PRKAR2B: variants seen among roughly 807,000 people sequenced by gnomAD.
The protein encoded by PRKAR2B is protein kinase cAMP-dependent type II regulatory subunit beta, also known as cAMP-dependent protein kinase type II-beta regulatory subunit.
In PRKAR2B, 14 loss-of-function variants were observed where a neutral mutation model predicts 49.9. The ratio of observed to expected loss-of-function variants is 0.28; its 90% CI spans 0.19 to 0.44. The LOEUF is 0.44. PRKAR2B is among the 20% of genes least tolerant of loss of function. PRKAR2B has a pLI of 1.00. For missense variants in PRKAR2B, 393 were observed against 537.9 expected, an observed-to-expected ratio of 0.73 and a Z score of 2.67; for synonymous variants, 196 against 197.7, an observed-to-expected ratio of 0.99 and a Z score of 0.07.
At chr7:107,110,682 T>C (rs1322402634) in intron 2 of PRKAR2B, among the ~76,000 whole-genome samples, 1 of 151,988 alleles carries the variant, frequency 6.6e-6, no homozygotes, top group Non-Finnish European at 1.5e-5. Flanking sequence ...GGGAACCTAC[T>C]GCCTTGAAGG....
chr7:107,072,664 T>C (rs979671190), intron 2 of PRKAR2B, among the ~76,000 whole-genome samples: 1 of 152,168 alleles, frequency 6.6e-6, no homozygotes, highest in African/African-American at 2.4e-5. Context: ...TTTGTTAATT[T>C]AATTTAGTGC....
chr7:107,116,941 A>ATG (rs141264067), intron 2 of PRKAR2B, among the ~76,000 whole-genome samples: 31 of 146,196 alleles, frequency 2.1e-4, no homozygotes, highest in African/African-American at 4.9e-4. Context: ...GTGTATATAT[A>ATG]TGTGTGTGTG....
intron 2 of PRKAR2B, among the ~76,000 whole-genome samples, chr7:107,080,684 T>G (rs1193970723): frequency 1.3e-5 from 2 of 152,228 alleles, no homozygotes; most frequent in African/African-American, 4.8e-5. Flanking sequence ...AACTAAACTT[T>G]CCTTAAGGCT....
intron 4 of PRKAR2B, among the ~76,000 whole-genome samples, chr7:107,138,449 T>C (rs1179255878): frequency 6.6e-6 from 1 of 152,276 alleles, no homozygotes; most frequent in Non-Finnish European, 1.5e-5. Flanking sequence ...AGTCTCATTC[T>C]GTTGCCCAGG....
At chr7:107,073,034 G>A (rs1030841049) in intron 2 of PRKAR2B, among the ~76,000 whole-genome samples, 5 of 152,094 alleles carry the variant, frequency 3.3e-5, no homozygotes, top group African/African-American at 1.2e-4. Context: ...AGTGCTATGT[G>A]TTCTATCATT....
At chr7:107,082,270 T>C (rs1243869339) in intron 2 of PRKAR2B, among the ~76,000 whole-genome samples, 1 of 152,222 alleles carries the variant, frequency 6.6e-6, no homozygotes, top group African/African-American at 2.4e-5. Flanking sequence ...TTCTGTACCA[T>C]AAAAATAATG....
chr7:107,108,721 A>G lies in PRKAR2B; in HGVS notation c.344-13231A>G, dbSNP rs79390525. On this transcript the variant is annotated intron_variant, in intron 2 of 10. Transcript: ENST00000265717. Reference sequence around the variant, plus strand: ...GGCTCCTGTACAGCTCTACAGCCTTATAGAGTTAGAGCTCCATAGTGTTAT... The same window carrying G: ...GGCTCCTGTACAGCTCTACAGCCTTGTAGAGTTAGAGCTCCATAGTGTTAT... Among the ~76,000 whole-genome samples, 9 of 152,332 alleles carry G rather than the reference A, an allele frequency of 5.9e-5. No individual in the cohort carries two copies. The East Asian group carries it at 1.5e-3, about 26-fold the overall frequency.
At chr7:107,095,817 G>A (rs551040346) in intron 2 of PRKAR2B, among the ~76,000 whole-genome samples, 44 of 152,242 alleles carry the variant, frequency 2.9e-4, no homozygotes, top group South Asian at 8.3e-4. Flanking sequence ...ATTGATTTGC[G>A]TATGTTGAAC....
chr7:107,067,787 A>G (rs976275445), intron 1 of PRKAR2B, among the ~76,000 whole-genome samples: 4 of 152,250 alleles, frequency 2.6e-5, no homozygotes, highest in Non-Finnish European at 5.9e-5. Context: ...ATCTATTAGT[A>G]AAATTCCAAA....
At position 107,159,910 on chromosome 7, in the gene PRKAR2B, T is replaced by A; in HGVS notation, c.*328T>A. 5.0e-6 allele frequency: 1 copy of A among 200,882 alleles called. No homozygotes were observed. The highest frequency in any genetic ancestry group is 1.0e-5 in the Non-Finnish European group (1 of 98,866). 12.4% of individuals were successfully genotyped at this position (200,882 alleles called of 1,614,324 possible). A position where few individuals can be genotyped will look rare whatever the true frequency, so the allele number is the denominator to read the frequency against. On this transcript the variant is annotated 3_prime_UTR_variant, in exon 11 of 11. Transcript: ENST00000265717. ...ATAATTAAAGGATGTTATCATAGGC[T>A]ATATGTGTTTTACTTATTCAGACTG...
At chr7:107,078,563 G>T (rs553798521) in intron 2 of PRKAR2B, among the ~76,000 whole-genome samples, 1 of 152,112 alleles carries the variant, frequency 6.6e-6, no homozygotes, top group South Asian at 2.1e-4. Context: ...TAATAAAATG[G>T]GTTCTTCCCT....
chr7:107,046,482 TC>T (rs1425475936), intron 1 of PRKAR2B, among the ~76,000 whole-genome samples: 1 of 152,228 alleles, frequency 6.6e-6, no homozygotes, highest in Admixed American at 6.5e-5. Context: ...TCCAAAAGAA[TC>T]CCAGAAACCC....
At chr7:107,091,087 T>G (rs1482595784) in intron 2 of PRKAR2B, among the ~76,000 whole-genome samples, 1 of 152,206 alleles carries the variant, frequency 6.6e-6, no homozygotes, top group Non-Finnish European at 1.5e-5. Context: ...GTTCCCTCAT[T>G]ATGCAAAATT....
At chr7:107,119,830 A>G (rs1795355676) in intron 2 of PRKAR2B, among the ~76,000 whole-genome samples, 1 of 152,180 alleles carries the variant, frequency 6.6e-6, no homozygotes, top group South Asian at 2.1e-4. Flanking sequence ...ATCTGGTTTC[A>G]TATGTCAGTG....
At chr7:107,091,184 A>C (rs1000493200) in intron 2 of PRKAR2B, among the ~76,000 whole-genome samples, 3 of 152,186 alleles carry the variant, frequency 2.0e-5, no homozygotes, top group African/African-American at 7.2e-5. Flanking sequence ...TTGGTGCAAA[A>C]AGGATCGTTT....
At position 107,143,610 on chromosome 7, in the gene PRKAR2B, A is replaced by G. The variant is rs567991657; in HGVS notation, c.587+2657A>G. Among the ~76,000 whole-genome samples the G allele has an allele frequency of 9.2e-5, 14 of 152,344 alleles. No individual in the cohort carries two copies. In the South Asian group the frequency reaches 2.7e-3, roughly 29 times the overall value. On this transcript the variant is annotated intron_variant, in intron 5 of 10. Transcript: ENST00000265717. ...AGTACTTATGTGTGAATACAAGTAA[A>G]AAATGATGGCTTATTGGTAGCATAT...
In PRKAR2B at chr7:107,106,312, C is replaced by T. The variant is rs10234033; in HGVS notation, c.344-15640C>T. On this transcript the variant is annotated intron_variant, in intron 2 of 10. Coordinates refer to ENST00000265717, the MANE Select transcript of PRKAR2B (RefSeq NM_002736.3). ...TGAAGGTCTGGATCTGGAACTGCAT[C>T]GCACCCCACAAGAAAAATGGCTCGG... Among the ~76,000 whole-genome samples the T allele has an allele frequency of 5.3e-3, 810 of 152,290 alleles. 6 individuals are homozygous for T. The highest frequency in any genetic ancestry group is 0.018 in the African/African-American group (756 of 41,568).
chr7:107,134,719 T>G (rs74382914), intron 4 of PRKAR2B, among the ~76,000 whole-genome samples: 18,361 of 152,160 alleles, frequency 0.12, 1,315 homozygotes, highest in African/African-American at 0.19. Flanking sequence ...CCCACAAGAG[T>G]GTTAAGACCA....
chr7:107,124,733 C>T (rs573033794), intron 3 of PRKAR2B, among the ~76,000 whole-genome samples: 26 of 152,040 alleles, frequency 1.7e-4, no homozygotes, highest in African/African-American at 6.3e-4. Context: ...ATACAGTGTT[C>T]TTTAAAGAAA....
Sources: allele counts gnomAD v4.1 joint callset (sites outside exome capture counted in the v4.1 genomes callset), GRCh38; gene constraint gnomAD v4.1.1; transcripts MANE v1.5; gene names NCBI Gene and HGNC (gene_info 2026-07-23, HGNC 2026-07-21).